The following PHF24 variants were observed in gnomAD, a reference collection of about 807,000 sequenced individuals.
The protein encoded by PHF24 is PHD finger protein 24.
In PHF24, 25 loss-of-function variants were observed where a neutral mutation model predicts 42.6. That is an observed-to-expected ratio of 0.59 (90% confidence interval 0.43 to 0.82). The LOEUF is 0.82. Among genes scored for constraint, PHF24 ranks in the 40% least tolerant of loss-of-function variants. The pLI is 0.00. For synonymous variants in PHF24, 185 were observed against 204.8 expected (o/e 0.90, Z 0.83); for missense variants, 470 against 538.1 (o/e 0.87, Z 1.25).
chr9:34,820,942 G>A, the PHF24 span, among the ~76,000 whole-genome samples: 1 of 152,096 alleles, frequency 6.6e-6, no homozygotes, highest in African/African-American at 2.4e-5. Flanking sequence ...GGTGTGAAAG[G>A]GAATCTCATT....
At chr9:34,972,586 G>C in intron 3 of PHF24, 55 bp downstream of exon 3, 1 of 1,491,126 alleles carries the variant, frequency 6.7e-7, no homozygotes, top group Non-Finnish European at 9.0e-7. Flanking sequence ...TGGAGGCCCG[G>C]TCTTAGAACA....
the PHF24 span, among the ~76,000 whole-genome samples, chr9:34,931,832 A>G: frequency 6.6e-6 from 1 of 152,182 alleles, no homozygotes; most frequent in South Asian, 2.1e-4. Flanking sequence ...ACTAACAAAC[A>G]CACTAGGCAA....
the PHF24 span, among the ~76,000 whole-genome samples, chr9:34,674,020 T>C: frequency 6.6e-6 from 1 of 152,202 alleles, no homozygotes; most frequent in Non-Finnish European, 1.5e-5. Flanking sequence ...CCTCCCAAAG[T>C]GCTGGGATTA....
the PHF24 span, chr9:34,889,616 C>T: frequency 5.0e-6 from 2 of 398,374 alleles, no homozygotes; most frequent in African/African-American, 4.1e-5. Context: ...TCTTGTTATC[C>T]AAGCCAACTT....
At chr9:34,754,068 G>A in the PHF24 span, among the ~76,000 whole-genome samples, 3 of 151,982 alleles carry the variant, frequency 2.0e-5, no homozygotes, top group African/African-American at 7.2e-5. Flanking sequence ...AACTACATTG[G>A]GGAAACTCTC....
intron 1 of PHF24, among the ~76,000 whole-genome samples, chr9:34,962,555 T>C (rs932716587): frequency 3.3e-5 from 5 of 152,226 alleles, no homozygotes; most frequent in Non-Finnish European, 7.3e-5. Context: ...GCCTGACGCA[T>C]AGTAGGCTGT....
chr9:34,981,050 A>C (rs1248540964), exon 8 of PHF24: 2 of 152,330 alleles, frequency 1.3e-5, no homozygotes, highest in African/African-American at 4.8e-5. Context: ...TCCCCAACAG[A>C]ACACTTGAGC....
the PHF24 span, among the ~76,000 whole-genome samples, chr9:34,804,119 T>C: frequency 1.3e-5 from 2 of 152,116 alleles, no homozygotes; most frequent in Admixed American, 6.5e-5. Context: ...TTTTAACTAT[T>C]TGAACTCAGC....
At chr9:34,705,436 C>A in the PHF24 span, among the ~76,000 whole-genome samples, 1 of 151,578 alleles carries the variant, frequency 6.6e-6, no homozygotes, top group African/African-American at 2.4e-5. Flanking sequence ...TAGGCACATG[C>A]CACTACACCA....
At chr9:34,827,161 T>A in the PHF24 span, among the ~76,000 whole-genome samples, 4 of 152,158 alleles carry the variant, frequency 2.6e-5, no homozygotes, top group African/African-American at 9.7e-5. Flanking sequence ...AACCAGGATG[T>A]GTGCATGCTA....
At chr9:34,849,150 T>C in the PHF24 span, among the ~76,000 whole-genome samples, 165 of 152,236 alleles carry the variant, frequency 1.1e-3, no homozygotes, top group African/African-American at 3.6e-3. Context: ...AATTCCTGGG[T>C]ATCCTTGTTA....
chr9:34,724,108 T>C, the PHF24 span: 1 of 1,528,420 alleles, frequency 6.5e-7, no homozygotes, highest in South Asian at 1.3e-5. Context: ...TGTTTCCTGC[T>C]AGCATGGGGA....
chr9:34,827,737 T>C, the PHF24 span, among the ~76,000 whole-genome samples: 1 of 152,106 alleles, frequency 6.6e-6, no homozygotes, highest in Non-Finnish European at 1.5e-5. Flanking sequence ...ATAATAGCTG[T>C]CCAAAATCGA....
chr9:34,747,287 G>C, the PHF24 span, among the ~76,000 whole-genome samples: 1 of 152,086 alleles, frequency 6.6e-6, no homozygotes. Flanking sequence ...AGAGTGGCCT[G>C]TGCCTATAGT....
At chr9:34,758,097 A>T in the PHF24 span, among the ~76,000 whole-genome samples, 1 of 144,800 alleles carries the variant, frequency 6.9e-6, no homozygotes, top group East Asian at 1.9e-4. This position sits in a 1 kb window ranked among gnomAD's most constrained non-coding sequence, Gnocchi z 4.4. Context: ...GCTTGGGGAT[A>T]TGTTTGCTGA....
the PHF24 span, among the ~76,000 whole-genome samples, chr9:34,845,591 A>T: frequency 2.0e-5 from 3 of 151,610 alleles, no homozygotes; most frequent in Non-Finnish European, 4.4e-5. Context: ...TTTTTTTTAA[A>T]TTTTATTTTA....
chr9:34,973,098 T>C (rs1327932784), intron 3 of PHF24, among the ~76,000 whole-genome samples: 1 of 152,112 alleles, frequency 6.6e-6, no homozygotes, highest in African/African-American at 2.4e-5. Flanking sequence ...TACATCTCAA[T>C]GTGAAGGTAG....
chr9:34,787,174 T>A, the PHF24 span, among the ~76,000 whole-genome samples: 1 of 152,200 alleles, frequency 6.6e-6, no homozygotes, highest in Non-Finnish European at 1.5e-5. Flanking sequence ...AATAATGGTA[T>A]GATAGTTATC....
the PHF24 span, among the ~76,000 whole-genome samples, chr9:34,730,293 C>T: frequency 6.6e-6 from 1 of 152,106 alleles, no homozygotes. Flanking sequence ...GCTTCAGGAC[C>T]CATTACTTCC....
Sources: allele counts gnomAD v4.1 joint callset (sites outside exome capture counted in the v4.1 genomes callset), GRCh38; gene constraint gnomAD v4.1.1; non-coding constraint Gnocchi (gnomAD v3.1); transcripts MANE v1.5; gene names NCBI Gene and HGNC (gene_info 2026-07-23, HGNC 2026-07-21).